CPA6: variants seen among roughly 807,000 people sequenced by gnomAD.
The protein encoded by CPA6 is carboxypeptidase B.
CPA6 carries 58 observed loss-of-function variants against 63.3 expected under a neutral mutation model. The ratio of observed to expected loss-of-function variants is 0.92; its 90% confidence interval spans 0.74 to 1.14. The LOEUF (loss-of-function observed/expected upper bound fraction) is 1.14. Among genes scored for constraint, CPA6 ranks in the 50% most tolerant of loss-of-function variants. The pLI is 0.00. For missense variants in CPA6, 565 were observed against 526.6 expected (o/e 1.07, Z -0.71); for synonymous variants, 185 against 179.0 (o/e 1.03, Z -0.27).
At chr8:67,501,663 T>C (rs1811832413) in intron 6 of CPA6, among the ~76,000 whole-genome samples, 1 of 152,202 alleles carries the variant, frequency 6.6e-6, no homozygotes, top group African/African-American at 2.4e-5. Flanking sequence ...CATTAATACT[T>C]TATTCAGGAT....
At chr8:67,706,844 G>T (rs1483813715) in intron 1 of CPA6, among the ~76,000 whole-genome samples, 1 of 152,072 alleles carries the variant, frequency 6.6e-6, no homozygotes, top group Non-Finnish European at 1.5e-5. Context: ...TAAGAATTGG[G>T]TCTGACATCA....
chr8:67,706,240 A>G (rs555308720), intron 1 of CPA6, among the ~76,000 whole-genome samples: 1 of 152,352 alleles, frequency 6.6e-6, no homozygotes, highest in African/African-American at 2.4e-5. Context: ...CTAGGTAAGG[A>G]CTGTGGACAT....
chr8:67,559,540 T>A (rs1314786629), intron 2 of CPA6, among the ~76,000 whole-genome samples: 2 of 152,132 alleles, frequency 1.3e-5, no homozygotes, highest in East Asian at 3.8e-4. Context: ...AATCTTCAGA[T>A]TTTTACCCAT....
At chr8:67,670,536 T>G (rs762606345) in intron 1 of CPA6, among the ~76,000 whole-genome samples, 1 of 152,154 alleles carries the variant, frequency 6.6e-6, no homozygotes, top group Non-Finnish European at 1.5e-5. Context: ...ATTTACAGAT[T>G]ATATCACTGA....
At chr8:67,512,074 TG>T (rs1292826035) in intron 3 of CPA6, among the ~76,000 whole-genome samples, 1 of 152,178 alleles carries the variant, frequency 6.6e-6, no homozygotes, top group East Asian at 1.9e-4. Context: ...ATTTATAAAA[TG>T]GGGAAACTGA....
intron 9 of CPA6, among the ~76,000 whole-genome samples, chr8:67,429,093 A>G (rs992398414): frequency 1.3e-5 from 2 of 152,220 alleles, no homozygotes; most frequent in Admixed American, 1.3e-4. Flanking sequence ...AGGAATGGAA[A>G]CAACTTCAGA....
At chr8:67,488,287 C>T (rs1247794852) in intron 6 of CPA6, among the ~76,000 whole-genome samples, 1 of 152,184 alleles carries the variant, frequency 6.6e-6, no homozygotes, top group Non-Finnish European at 1.5e-5. Flanking sequence ...CCAGTTTTCC[C>T]AGCACCATTT....
intron 2 of CPA6, among the ~76,000 whole-genome samples, chr8:67,525,716 G>A (rs1812346226): frequency 6.6e-6 from 1 of 152,124 alleles, no homozygotes; most frequent in East Asian, 1.9e-4. Flanking sequence ...TGATTGTTGA[G>A]GCCCATCAAT....
rs1563412981 is a variant in CPA6, at chr8:67,733,215, AAAAAAAAAAT to A, written c.116+12789_116+12798del. Among the ~76,000 whole-genome samples the A allele has an allele frequency of 1.1e-3, 144 of 131,170 alleles. 4 individuals are homozygous for A. The highest frequency in any genetic ancestry group is 3.1e-3 in the African/African-American group (117 of 38,236). 86.1% of individuals were successfully genotyped at this position (131,170 alleles called of 152,430 possible). ...CCATCTCAAAAAAAAAAAAAAAAAAAAAAAAAAAATAAAAAAATTTAGCGTCTATCACCTG... is the reference window on the plus strand; with the variant it reads ...CCATCTCAAAAAAAAAAAAAAAAAAAAAAAAAATTTAGCGTCTATCACCTG... On this transcript the variant is annotated intron_variant, in intron 1 of 10. Coordinates refer to ENST00000297770, the MANE Select transcript of CPA6 (RefSeq NM_020361.5).
chr8:67,512,265 T>C (rs1188596062), intron 3 of CPA6, among the ~76,000 whole-genome samples: 1 of 152,158 alleles, frequency 6.6e-6, no homozygotes, highest in Non-Finnish European at 1.5e-5. Context: ...CTGCTGCTTC[T>C]TCCTGCACAC....
chr8:67,639,872 A>G (rs1046047802), intron 1 of CPA6, among the ~76,000 whole-genome samples: 3 of 151,428 alleles, frequency 2.0e-5, no homozygotes, highest in Non-Finnish European at 4.4e-5. Flanking sequence ...AGCTCAGAGG[A>G]GACCTATAGT....
Position 67,707,282 on chromosome 8 carries a change from C to T in CPA6, c.116+38732G>A, listed in dbSNP as rs192310878. On this transcript the variant is annotated intron_variant, in intron 1 of 10. Transcript: ENST00000297770. ...AATACCAAGAAGAACAGGAGTTAAC[C>T]GCATGGACTGAACTAAGAGAAGACT... Among the ~76,000 whole-genome samples the T allele has an allele frequency of 2.1e-3, 314 of 152,244 alleles. 3 individuals are homozygous for T. The highest frequency in any genetic ancestry group is 0.012 in the South Asian group (56 of 4,816).
At chr8:67,468,192 T>A (rs548477587) in intron 8 of CPA6, among the ~76,000 whole-genome samples, 1 of 152,252 alleles carries the variant, frequency 6.6e-6, no homozygotes, top group Admixed American at 6.5e-5. Flanking sequence ...ACCTTTGAAA[T>A]CCTTGTTTTA....
chr8:67,506,900 A>G lies in CPA6; in HGVS notation c.535-12T>C, dbSNP rs377060855. 6.3e-7 allele frequency: 1 copy of G among 1,586,600 alleles called. No homozygotes were observed. Among genetic ancestry groups the G allele is most frequent in the Admixed American group, 1.7e-5 (1 of 59,892 alleles). The stretch of plus-strand genomic sequence containing the variant: ...GATCGTCTGCCCAGCTGAAAACAAG[A>G]GCATTCACAGTAACCAACTCAGGCT... On this transcript the variant is annotated splice_polypyrimidine_tract_variant and intron_variant, in intron 5 of 10. Coordinates refer to ENST00000297770, the MANE Select transcript of CPA6 (RefSeq NM_020361.5).
intron 2 of CPA6, among the ~76,000 whole-genome samples, chr8:67,588,185 G>A (rs1813999329): frequency 1.3e-5 from 2 of 152,260 alleles, no homozygotes; most frequent in South Asian, 4.2e-4. Context: ...GAGAAATAGG[G>A]AGATCAGTAT....
chr8:67,558,430 A>G (rs534442018), intron 2 of CPA6, among the ~76,000 whole-genome samples: 49 of 152,150 alleles, frequency 3.2e-4, no homozygotes, highest in Non-Finnish European at 6.5e-4. Flanking sequence ...TTTCTACTCT[A>G]CCTCTTTAAG....
intron 3 of CPA6, among the ~76,000 whole-genome samples, chr8:67,515,829 C>T (rs1035703982): frequency 6.6e-6 from 1 of 152,188 alleles, no homozygotes; most frequent in African/African-American, 2.4e-5. Flanking sequence ...GAGCCATAAA[C>T]ATTCTACCCC....
intron 8 of CPA6, among the ~76,000 whole-genome samples, chr8:67,475,809 CTTTCTTTCCTTTCTTTTCTTTCTTT>C (rs1563967485): frequency 5.4e-4 from 26 of 48,106 alleles, no homozygotes; most frequent in African/African-American, 1.4e-3. Flanking sequence ...TTCTTTCTTT[CTTTCTTTCCTTTCTTTTCTTTCTTT>C]CTTTCTTTCT....
At chr8:67,476,356 G>A (rs950647771) in intron 8 of CPA6, among the ~76,000 whole-genome samples, 3 of 152,222 alleles carry the variant, frequency 2.0e-5, no homozygotes, top group Middle Eastern at 6.8e-3. Flanking sequence ...GCCTTCACGG[G>A]AAGATGCCAA....
Sources: allele counts gnomAD v4.1 joint callset (sites outside exome capture counted in the v4.1 genomes callset), GRCh38; gene constraint gnomAD v4.1.1; transcripts MANE v1.5; gene names NCBI Gene and HGNC (gene_info 2026-07-23, HGNC 2026-07-21).